Variants in MAOB observed in about 807,000 individuals in gnomAD.
MAOB encodes the protein amine oxidase [flavin-containing] B.
A neutral mutation model predicts 41.9 loss-of-function variants in MAOB; 15 were observed. The observed-to-expected ratio is 0.36, with a 90% CI of 0.24 to 0.55. The LOEUF is 0.55. Among genes scored for constraint, MAOB ranks in the 20% least tolerant of loss-of-function variants. The pLI, the probability that MAOB is intolerant of heterozygous loss-of-function variation, is 0.86. For synonymous variants in MAOB, 167 were observed against 144.2 expected, an observed-to-expected ratio of 1.16 and a Z score of -1.13; for missense variants, 345 against 398.7, an observed-to-expected ratio of 0.87 and a Z score of 1.15.
intron 8 of MAOB, among the ~76,000 whole-genome samples, chrX:43,784,901 C>A (rs2092040): frequency 0.055 from 6,178 of 111,849 alleles, 338 homozygotes; most frequent in South Asian, 0.18. Context: ...TAATCCTAGC[C>A]CTTTGGGAGG....
rs867572138 is a variant in MAOB, at chrX:43,882,437, C to T, written c.-138G>A. Reference sequence around the variant, plus strand: ...CTGCCCCCGTGCACCAGCGCCTCGGCGAGCCGCTATATTACCAGCCCCGGG... The same window carrying T: ...CTGCCCCCGTGCACCAGCGCCTCGGTGAGCCGCTATATTACCAGCCCCGGG... On this transcript the variant is annotated 5_prime_UTR_variant, in exon 1 of 15. Transcript: ENST00000378069. 74 of 1,015,088 alleles carry T rather than the reference C, an allele frequency of 7.3e-5. No individual in the cohort carries two copies. In the African/African-American group the frequency reaches 1.4e-3, roughly 19 times the overall value. 83.7% of individuals were successfully genotyped at this position (1,015,088 alleles called of 1,213,427 possible). A position where few individuals can be genotyped will look rare whatever the true frequency, so the allele number is the denominator to read the frequency against.
intron 13 of MAOB, 124 bp downstream of exon 13, chrX:43,769,183 T>C: frequency 2.0e-6 from 2 of 986,730 alleles, no homozygotes; most frequent in Admixed American, 4.8e-5. Context: ...GTTAAAATAG[T>C]ATTTTATGGG....
At chrX:43,874,537 C>T (rs1365244681) in intron 1 of MAOB, among the ~76,000 whole-genome samples, 1 of 111,657 alleles carries the variant, frequency 9.0e-6, no homozygotes, top group Non-Finnish European at 1.9e-5. Context: ...CTATTTCTTA[C>T]CACAGGAAAA....
intron 1 of MAOB, among the ~76,000 whole-genome samples, chrX:43,864,533 C>T (rs1410188932): frequency 9.0e-6 from 1 of 111,730 alleles, no homozygotes; most frequent in Non-Finnish European, 1.9e-5. Flanking sequence ...ACAATCACCT[C>T]AAACAATGGA....
At chrX:43,828,542 A>C (rs985466889) in intron 3 of MAOB, among the ~76,000 whole-genome samples, 2 of 102,378 alleles carry the variant, frequency 2.0e-5, no homozygotes, top group Non-Finnish European at 3.9e-5. Context: ...GGCATAAGAC[A>C]AAAAAAAAAA....
Position 43,833,096 on chromosome X carries a change from C to A in MAOB, c.279+5772G>T, listed in dbSNP as rs751213120. ...AGCTCTTTGCAGTGTGTTCTTGACA[C>A]CCAAAAGCCTCAACTCATGCTCTGA... On this transcript the variant is annotated intron_variant, in intron 3 of 14. Coordinates refer to ENST00000378069, the MANE Select transcript of MAOB (RefSeq NM_000898.5). 3.5e-4 allele frequency among the ~76,000 whole-genome samples: 39 copies of A among 111,548 alleles called. 1 individual carries two copies. Among genetic ancestry groups the A allele is most frequent in the Middle Eastern group, 9.3e-3 (2 of 215 alleles).
chrX:43,877,241 G>A (rs947365196), intron 1 of MAOB, among the ~76,000 whole-genome samples: 1 of 111,713 alleles, frequency 9.0e-6, no homozygotes, highest in Admixed American at 9.5e-5. Context: ...CTGAATGTAT[G>A]GCAGGGAGCC....
At chrX:43,829,326 G>T (rs1490608412) in intron 3 of MAOB, among the ~76,000 whole-genome samples, 1 of 112,104 alleles carries the variant, frequency 8.9e-6, no homozygotes, top group Non-Finnish European at 1.9e-5. Context: ...ACCATTTATG[G>T]CACTTTGGGA....
At chrX:43,822,004 T>C (rs1192520462) in intron 3 of MAOB, among the ~76,000 whole-genome samples, 1 of 112,194 alleles carries the variant, frequency 8.9e-6, no homozygotes, top group Non-Finnish European at 1.9e-5. Flanking sequence ...CAGAAGTCTG[T>C]GTCTCCAGAA....
chrX:43,855,725 T>A (rs1223322958), intron 1 of MAOB, among the ~76,000 whole-genome samples: 2 of 111,730 alleles, frequency 1.8e-5, no homozygotes, highest in African/African-American at 6.5e-5. Flanking sequence ...TTGAAACAGA[T>A]AAACAAATGC....
At position 43,789,304 on chromosome X, in the gene MAOB, A is replaced by C. The variant is rs138098787; in HGVS notation, c.928+4115T>G. ...ATACAGTAAATCTTTAAGGATAAAC[A>C]ATCTAAATTTTTAACAGTGGCCCTC... On this transcript the variant is annotated intron_variant, in intron 8 of 14. Transcript: ENST00000378069. 5.5e-3 allele frequency among the ~76,000 whole-genome samples: 616 copies of C among 112,376 alleles called. 2 individuals carry two copies. Among genetic ancestry groups the C allele is most frequent in the African/African-American group, 0.019 (593 of 30,967 alleles).
intron 1 of MAOB, among the ~76,000 whole-genome samples, chrX:43,870,794 CAAAAAAAAAAAAAA>C (rs763016344): frequency 3.2e-4 from 7 of 21,937 alleles, no homozygotes; most frequent in Non-Finnish European, 5.5e-4. Flanking sequence ...GACTCCACCT[CAAAAAAAAAAAAAA>C]AAAAAAAAAA....
At chrX:43,799,867 T>A (rs1601982148) in intron 5 of MAOB, among the ~76,000 whole-genome samples, 1 of 111,807 alleles carries the variant, frequency 8.9e-6, no homozygotes, top group East Asian at 2.8e-4. Flanking sequence ...ATGCATTTTT[T>A]TCTAAGTATA....
chrX:43,830,627 A>AAT (rs2147157437), intron 3 of MAOB, among the ~76,000 whole-genome samples: 1 of 111,831 alleles, frequency 8.9e-6, no homozygotes, highest in South Asian at 3.8e-4. Flanking sequence ...AGCCCATGAA[A>AAT]ATATTTTCAG....
At chrX:43,783,433 G>T (rs2034361860) in intron 8 of MAOB, among the ~76,000 whole-genome samples, 1 of 111,834 alleles carries the variant, frequency 8.9e-6, no homozygotes, top group Admixed American at 9.5e-5. Flanking sequence ...GATAATGTGG[G>T]TTTCATTTCA....
intron 1 of MAOB, among the ~76,000 whole-genome samples, chrX:43,858,569 T>C (rs1286718854): frequency 1.8e-5 from 2 of 110,479 alleles, no homozygotes; most frequent in Non-Finnish European, 3.8e-5. Flanking sequence ...TGTCACCTCC[T>C]CGAGAGAATT....
intron 8 of MAOB, among the ~76,000 whole-genome samples, chrX:43,792,103 T>C (rs190402272): frequency 1.8e-5 from 2 of 112,629 alleles, no homozygotes; most frequent in Non-Finnish European, 3.8e-5. Context: ...AGATTACTCA[T>C]CTCTTTTCAC....
chrX:43,826,254 C>T (rs1157946719), intron 3 of MAOB, among the ~76,000 whole-genome samples: 4 of 111,897 alleles, frequency 3.6e-5, no homozygotes, highest in African/African-American at 1.3e-4. Context: ...GGTTTCCTGA[C>T]ACCATACTAG....
chrX:43,767,503 A>C lies in MAOB; in HGVS notation c.1526T>G (p.Phe509Cys), dbSNP rs1031335251. Reference sequence around the variant, plus strand: ...AAGTAGCCCCCTTTTGTGGGCCAGGAAGCCAAGAGCCGTTGCTGAAAAGAT... The same window carrying C: ...AAGTAGCCCCCTTTTGTGGGCCAGGCAGCCAAGAGCCGTTGCTGAAAAGAT... ...TTIFSATALG[F>C]LAHKRGLLVR... Residue 509 changes from phenylalanine (F) to cysteine (C), a missense_variant, in exon 15 of 15, where the codon TTC (phenylalanine) becomes TGC (cysteine). Coordinates refer to ENST00000378069, the MANE Select transcript of MAOB (RefSeq NM_000898.5). 1.7e-6 allele frequency: 2 copies of C among 1,208,992 alleles called. No homozygotes were observed. The highest frequency in any genetic ancestry group is 3.5e-5 in the African/African-American group (2 of 57,064).
Sources: gnomAD v4.1 joint callset for allele counts (sites outside exome capture counted in the v4.1 genomes callset) on GRCh38, gnomAD v4.1.1 for gene constraint, MANE v1.5 for transcripts, NCBI Gene and HGNC (gene_info 2026-07-23, HGNC 2026-07-21) for gene names.